The following TRIQK variants were observed in gnomAD, a reference collection of about 807,000 sequenced individuals.
TRIQK encodes triple QxxK/R motif-containing protein.
A neutral mutation model predicts 10.8 loss-of-function variants in TRIQK; 10 were observed. The ratio of observed to expected loss-of-function variants is 0.92; its 90% CI spans 0.57 to 1.57. The LOEUF is 1.57. Among genes scored for constraint, TRIQK ranks in the 40% most tolerant of loss-of-function variants. The pLI is 0.00. For missense variants in TRIQK, 107 were observed against 97.7 expected (o/e 1.09, Z -0.40); for synonymous variants, 33 against 33.7 (o/e 0.98, Z 0.07).
chr8:93,007,986 T>C (rs1483626713), intron 1 of TRIQK, among the ~76,000 whole-genome samples: 1 of 152,204 alleles, frequency 6.6e-6, no homozygotes, highest in African/African-American at 2.4e-5. Context: ...CCATGTCCTT[T>C]GCAGGGACAT....
At chr8:92,990,589 C>G (rs1813086073) in intron 1 of TRIQK, among the ~76,000 whole-genome samples, 1 of 152,088 alleles carries the variant, frequency 6.6e-6, no homozygotes, top group South Asian at 2.1e-4. Flanking sequence ...ACAGTGGGTG[C>G]AGCCCACAGA....
chr8:92,906,966 C>T (rs1161280237), intron 3 of TRIQK, among the ~76,000 whole-genome samples: 1 of 151,870 alleles, frequency 6.6e-6, no homozygotes, highest in Admixed American at 6.6e-5. Flanking sequence ...GTTTGGGTAG[C>T]TGTGGAGGAT....
At chr8:92,919,483 G>A (rs575519552) in intron 2 of TRIQK, among the ~76,000 whole-genome samples, 11 of 151,870 alleles carry the variant, frequency 7.2e-5, no homozygotes, top group East Asian at 3.9e-4. Flanking sequence ...CATCACTGGC[G>A]TGATCCAACT....
intron 1 of TRIQK, among the ~76,000 whole-genome samples, chr8:92,988,578 C>T (rs1813062296): frequency 6.6e-6 from 1 of 152,106 alleles, no homozygotes; most frequent in African/African-American, 2.4e-5. Context: ...CCACTCATCT[C>T]CTAAATTATT....
chr8:92,974,895 A>AT (rs1042585183), intron 1 of TRIQK, among the ~76,000 whole-genome samples: 18 of 152,312 alleles, frequency 1.2e-4, no homozygotes, highest in African/African-American at 4.3e-4. Context: ...CAAGAATTGG[A>AT]TTTTAATCAA....
chr8:93,009,933 T>G (rs552068352), intron 1 of TRIQK, among the ~76,000 whole-genome samples: 27 of 151,228 alleles, frequency 1.8e-4, no homozygotes, highest in Admixed American at 9.2e-4. Flanking sequence ...GGTATACTAT[T>G]CAGACATAAA....
chr8:92,903,660 G>C (rs1297521659), intron 3 of TRIQK, among the ~76,000 whole-genome samples: 1 of 152,028 alleles, frequency 6.6e-6, no homozygotes, highest in Non-Finnish European at 1.5e-5. Context: ...TAATTGAAGA[G>C]TATCCTGAAA....
intron 3 of TRIQK, among the ~76,000 whole-genome samples, chr8:92,901,608 G>T (rs62520787): frequency 0.06 from 9,114 of 152,166 alleles, 495 homozygotes; most frequent in African/African-American, 0.15. Flanking sequence ...ACTTGCTCAT[G>T]ATGAATAATA....
At chr8:92,976,584 A>T (rs2130741071) in intron 1 of TRIQK, among the ~76,000 whole-genome samples, 1 of 151,996 alleles carries the variant, frequency 6.6e-6, no homozygotes, top group Non-Finnish European at 1.5e-5. Flanking sequence ...TTTAAAATCT[A>T]ATTTGACTAC....
chr8:92,902,315 C>T (rs1236348611), intron 3 of TRIQK, among the ~76,000 whole-genome samples: 3 of 152,140 alleles, frequency 2.0e-5, no homozygotes, highest in African/African-American at 7.2e-5. Flanking sequence ...CCTCTGTGGG[C>T]ACCAGCTAAG....
Position 93,002,344 on chromosome 8 carries a change from G to A in TRIQK, c.-181+15265C>T, listed in dbSNP as rs1250575074. Among the ~76,000 whole-genome samples, 5 of 152,072 alleles carry A rather than the reference G, an allele frequency of 3.3e-5. No homozygotes were observed. In the East Asian group the frequency reaches 9.7e-4, roughly 29 times the overall value. ...AAACAAAAAATGAGTTTTTTGAAGT[G>A]ATAAAACTGACAAGCTTTTAGCTAG... On this transcript the variant is annotated intron_variant, in intron 1 of 4. Transcript: ENST00000520686.
At chr8:92,990,650 G>T (rs1813086764) in intron 1 of TRIQK, among the ~76,000 whole-genome samples, 1 of 152,090 alleles carries the variant, frequency 6.6e-6, no homozygotes, top group South Asian at 2.1e-4. Context: ...AGTGCAAAGG[G>T]TCAGGGAACT....
At chr8:92,901,217 T>C (rs1808918478) in intron 3 of TRIQK, among the ~76,000 whole-genome samples, 1 of 152,174 alleles carries the variant, frequency 6.6e-6, no homozygotes, top group Non-Finnish European at 1.5e-5. Flanking sequence ...ATTTCTTCCT[T>C]TCCAATTTGG....
chr8:92,972,693 A>G (rs932044774), intron 1 of TRIQK: 2 of 152,306 alleles, frequency 1.3e-5, no homozygotes, highest in Non-Finnish European at 2.9e-5. Context: ...GATAAGGCCA[A>G]TCCCACTAAG....
chr8:92,895,282 C>T (rs1563613195), intron 3 of TRIQK, among the ~76,000 whole-genome samples: 2 of 152,200 alleles, frequency 1.3e-5, no homozygotes. Flanking sequence ...GTTCTTTACA[C>T]ATTTTCTAAT....
At chr8:92,953,423 A>G (rs1187718358) in intron 2 of TRIQK, 2 of 152,016 alleles carry the variant, frequency 1.3e-5, no homozygotes, top group Admixed American at 1.3e-4. Flanking sequence ...ATAAGTGTAA[A>G]TATATAGTTT....
At chr8:92,922,353 G>C (rs1810235092) in intron 2 of TRIQK, 1 of 151,686 alleles carries the variant, frequency 6.6e-6, no homozygotes, top group African/African-American at 2.4e-5. Context: ...GTGTGGCTAG[G>C]GAAGATACCA....
At chr8:92,978,965 A>G (rs1308582827) in intron 1 of TRIQK, among the ~76,000 whole-genome samples, 1 of 152,112 alleles carries the variant, frequency 6.6e-6, no homozygotes, top group African/African-American at 2.4e-5. Flanking sequence ...TTATTGCATA[A>G]CACACCACCA....
intron 1 of TRIQK, among the ~76,000 whole-genome samples, chr8:92,961,783 C>T (rs556534525): frequency 2.6e-5 from 4 of 152,146 alleles, no homozygotes; most frequent in African/African-American, 9.6e-5. Context: ...TTAAATTGTT[C>T]AATACAATTG....
Sources: allele counts gnomAD v4.1 joint callset (sites outside exome capture counted in the v4.1 genomes callset), GRCh38; gene constraint gnomAD v4.1.1; transcripts MANE v1.5; gene names NCBI Gene and HGNC (gene_info 2026-07-23, HGNC 2026-07-21).